CPXM2: variants seen among roughly 807,000 people sequenced by gnomAD.
CPXM2 encodes the protein inactive carboxypeptidase-like protein X2.
A neutral mutation model predicts 86.1 loss-of-function variants in CPXM2; 66 were observed. That is an observed-to-expected ratio of 0.77 (90% CI 0.63 to 0.94). The LOEUF (loss-of-function observed/expected upper bound fraction) is 0.94. Ranked by LOEUF, CPXM2 falls within the 40% of genes least tolerant of loss-of-function variation. The probability of loss-of-function intolerance (pLI) is 0.00; values close to 1 mark genes in which losing one functional copy is unlikely to be tolerated. For synonymous variants in CPXM2, 388 were observed against 400.2 expected (o/e 0.97, Z 0.36); for missense variants, 948 against 1,026.3 (o/e 0.92, Z 1.04).
rs754192732 is a variant in CPXM2, at chr10:123,762,012, T to G, written c.1637A>C (p.His546Pro). The G allele has an allele frequency of 3.1e-6, 5 of 1,613,444 alleles. No individual in the cohort carries two copies. Among genetic ancestry groups the G allele is most frequent in the Non-Finnish European group, 4.2e-6 (5 of 1,179,712 alleles). Residue 546 changes from histidine to proline, a missense_variant, in exon 11 of 14, where the codon CAC becomes CCC. By Grantham distance (77) the His-to-Pro change is moderately conservative. Transcript: ENST00000241305. The stretch of plus-strand genomic sequence containing the variant: ...GGAGTAGGCCAGCCAGCGGAACACG[T>G]GGTCGTCGGGGGTGGGGGTGTGTTC... ...TQEHTPTPDD[H>P]VFRWLAYSYA...
intron 6 of CPXM2, among the ~76,000 whole-genome samples, chr10:123,794,734 C>T (rs1037349873): frequency 1.4e-4 from 20 of 141,328 alleles, no homozygotes; most frequent in Non-Finnish European, 2.8e-4. Flanking sequence ...TATTTAAGAC[C>T]GTGTGTGTGT....
At chr10:123,927,841 C>T (rs1945637101) in intron 2 of CPXM2, among the ~76,000 whole-genome samples, 1 of 152,234 alleles carries the variant, frequency 6.6e-6, no homozygotes, top group African/African-American at 2.4e-5. Flanking sequence ...TACTTGTTAG[C>T]AAGATATCCA....
At chr10:123,902,981 A>G (rs967510530) in intron 2 of CPXM2, among the ~76,000 whole-genome samples, 1 of 152,148 alleles carries the variant, frequency 6.6e-6, no homozygotes, top group African/African-American at 2.4e-5. Flanking sequence ...CATAGTTGCC[A>G]CCACCTGGAG....
chr10:123,849,022 T>G (rs895493453), intron 3 of CPXM2, among the ~76,000 whole-genome samples: 2 of 152,196 alleles, frequency 1.3e-5, no homozygotes, highest in African/African-American at 4.8e-5. Flanking sequence ...GTGATTAAAT[T>G]TGCTTTATGG....
intron 7 of CPXM2, among the ~76,000 whole-genome samples, chr10:123,772,890 G>T (rs1846681645): frequency 6.6e-6 from 1 of 151,560 alleles, no homozygotes; most frequent in Non-Finnish European, 1.5e-5. Context: ...CTTCATTGTG[G>T]TTATCACTCC....
chr10:123,801,627 G>A (rs1847461367), intron 4 of CPXM2, among the ~76,000 whole-genome samples: 1 of 152,054 alleles, frequency 6.6e-6, no homozygotes, highest in South Asian at 2.1e-4. Flanking sequence ...AATGAAATAT[G>A]ATCATGTCAT....
chr10:123,753,374 T>C (rs904521742), intron 13 of CPXM2, among the ~76,000 whole-genome samples: 4 of 152,160 alleles, frequency 2.6e-5, no homozygotes, highest in African/African-American at 9.7e-5. Context: ...TATCACTTTC[T>C]AACCAGCAAA....
intron 6 of CPXM2, among the ~76,000 whole-genome samples, chr10:123,793,462 C>CAAA (rs34757620): frequency 1.2e-4 from 7 of 59,246 alleles, no homozygotes; most frequent in Admixed American, 1.7e-4. Flanking sequence ...GACTCCGTCT[C>CAAA]AAAAAAAAAA....
At chr10:123,934,221 A>G (rs922076064) in intron 2 of CPXM2, among the ~76,000 whole-genome samples, 37 of 152,170 alleles carry the variant, frequency 2.4e-4, no homozygotes, top group African/African-American at 7.7e-4. Flanking sequence ...GCCATAGCCC[A>G]GCACCACAAA....
At chr10:123,792,245 G>C (rs1296880532) in intron 6 of CPXM2, among the ~76,000 whole-genome samples, 1 of 152,162 alleles carries the variant, frequency 6.6e-6, no homozygotes, top group Non-Finnish European at 1.5e-5. Context: ...GGGCAAGGAG[G>C]AAGAAGGGGA....
chr10:123,885,992 C>G lies in CPXM2; in HGVS notation c.304+5364G>C, dbSNP rs576111643. ...ATGCGCGAGCCCTGGTTTCTGGAAC[C>G]TTGGGCACAGGCAAGAGGAAATTTG... On this transcript the variant is annotated intron_variant, in intron 1 of 13. Transcript: ENST00000241305. The surrounding 1 kb of genome is among the most constrained non-coding windows in gnomAD (Gnocchi z 4.0). Among the ~76,000 whole-genome samples, 1 of 152,192 alleles carries G rather than the reference C, an allele frequency of 6.6e-6. No individual in the cohort carries two copies. The highest frequency in any genetic ancestry group is 2.1e-4 in the South Asian group (1 of 4,836).
At chr10:123,835,425 A>G (rs1321555062) in intron 4 of CPXM2, among the ~76,000 whole-genome samples, 1 of 152,220 alleles carries the variant, frequency 6.6e-6, no homozygotes, top group Non-Finnish European at 1.5e-5. Context: ...TTTAATTTCA[A>G]ATAACTATCC....
Position 123,891,161 on chromosome 10 carries a change from T to C in CPXM2, c.304+195A>G, listed in dbSNP as rs146911958. 1.6e-3 allele frequency among the ~76,000 whole-genome samples: 250 copies of C among 152,270 alleles called. No individual in the cohort carries two copies. The highest frequency in any genetic ancestry group is 5.5e-3 in the African/African-American group (230 of 41,560). ...GCCAGAGCTGAAATGCATGTCAGGGTCAAGGACAAGTTCTGGGAAGCTGGG... is the reference window on the plus strand; with the variant it reads ...GCCAGAGCTGAAATGCATGTCAGGGCCAAGGACAAGTTCTGGGAAGCTGGG... On this transcript the variant is annotated intron_variant, in intron 1 of 13. Transcript: ENST00000241305. The surrounding 1 kb of genome is among the most constrained non-coding windows in gnomAD (Gnocchi z 5.6).
chr10:123,873,204 A>G (rs769177694), intron 2 of CPXM2, among the ~76,000 whole-genome samples: 10 of 147,110 alleles, frequency 6.8e-5, no homozygotes, highest in Non-Finnish European at 1.3e-4. Flanking sequence ...ATTGCTGAAT[A>G]TAAAAATCAA....
chr10:123,845,066 C>CAA (rs61013140), intron 3 of CPXM2, among the ~76,000 whole-genome samples: 13 of 90,074 alleles, frequency 1.4e-4, no homozygotes, highest in Non-Finnish European at 1.8e-4. Context: ...GACTCAGTCT[C>CAA]AAAAAAAAAA....
intron 2 of CPXM2, among the ~76,000 whole-genome samples, chr10:123,921,032 A>G (rs1945575279): frequency 6.6e-6 from 1 of 152,226 alleles, no homozygotes; most frequent in South Asian, 2.1e-4. Context: ...AGCAACAAAA[A>G]ACAGATGAAG....
chr10:123,894,666 G>GA (rs1185432510), upstream of CPXM2, among the ~76,000 whole-genome samples: 1 of 152,152 alleles, frequency 6.6e-6, no homozygotes, highest in African/African-American at 2.4e-5. Flanking sequence ...ATCTGCCTGG[G>GA]AGGGTCCTGC....
In CPXM2 at chr10:123,754,810, G is replaced by T; in HGVS notation, c.1918-48C>A. ...AGGGTGAGGTCACCGACCAGCTCTG[G>T]ACACAACCGGCACAACAGAGTGGGC... On this transcript the variant is annotated intron_variant, in intron 12 of 13. Coordinates refer to ENST00000241305, the MANE Select transcript of CPXM2 (RefSeq NM_198148.3). The surrounding 1 kb of genome is among the most constrained non-coding windows in gnomAD (Gnocchi z 4.0). 2 of 1,063,398 alleles carry T rather than the reference G, an allele frequency of 1.9e-6. No homozygotes were observed. Among genetic ancestry groups the T allele is most frequent in the South Asian group, 1.3e-5 (1 of 79,568 alleles). 65.9% of individuals were successfully genotyped at this position (1,063,398 alleles called of 1,614,324 possible). A position where few individuals can be genotyped will look rare whatever the true frequency, so the allele number is the denominator to read the frequency against.
At chr10:123,761,620 T>C (rs1050746983) in intron 11 of CPXM2, among the ~76,000 whole-genome samples, 7 of 152,210 alleles carry the variant, frequency 4.6e-5, no homozygotes, top group Non-Finnish European at 1.0e-4. Flanking sequence ...TGTGCCTTTC[T>C]TGCTGGAGCA....
Sources: gnomAD v4.1 joint callset for allele counts (sites outside exome capture counted in the v4.1 genomes callset) on GRCh38, gnomAD v4.1.1 for gene constraint, Gnocchi (gnomAD v3.1) non-coding constraint, MANE v1.5 for transcripts, NCBI Gene and HGNC (gene_info 2026-07-23, HGNC 2026-07-21) for gene names.